The following LNP1 variants were observed in gnomAD, a reference collection of about 807,000 sequenced individuals.
The protein encoded by LNP1 is leukemia NUP98 fusion partner 1.
Under a neutral mutation model 14.5 loss-of-function variants are expected in LNP1, and 12 were observed. The observed-to-expected ratio is 0.83, with a 90% CI of 0.53 to 1.34. The LOEUF (loss-of-function observed/expected upper bound fraction) is 1.34, where lower values mean the gene tolerates loss of function less well. LNP1 is among the 40% of genes most tolerant of loss of function. The pLI, the probability that LNP1 is intolerant of heterozygous loss-of-function variation, is 0.00. For synonymous variants in LNP1, 75 were observed against 71.4 expected (o/e 1.05, Z -0.26); for missense variants, 198 against 210.9 (o/e 0.94, Z 0.38).
intron 1 of LNP1, among the ~76,000 whole-genome samples, chr3:100,416,837 A>G (rs1247627785): frequency 1.3e-5 from 2 of 151,258 alleles, no homozygotes; most frequent in Non-Finnish European, 2.9e-5. Flanking sequence ...TCTAGGTTTT[A>G]AGCCCCGCAT....
At position 100,418,059 on chromosome 3, in the gene LNP1, A is replaced by ACTTT. The variant is rs565769310; in HGVS notation, c.-33-11638_-33-11637insCTTT. 1.1e-4 allele frequency among the ~76,000 whole-genome samples: 13 copies of ACTTT among 115,604 alleles called. 3 individuals carry two copies. Among genetic ancestry groups the ACTTT allele is most frequent in the Non-Finnish European group, 1.3e-4 (7 of 54,328 alleles). The allele number at this position is 115,604 out of a possible 152,430, so 75.8% of individuals were successfully genotyped here. ...GTTTTGTTCTTTCATTTCTCATACCATTTTTTTTTTTTTTTTTTGAGATGG... is the reference window on the plus strand; with the variant it reads ...GTTTTGTTCTTTCATTTCTCATACCACTTTTTTTTTTTTTTTTTTTTTGAGATGG... On this transcript the variant is annotated intron_variant, in intron 1 of 3. Coordinates refer to ENST00000383693, the MANE Select transcript of LNP1 (RefSeq NM_001085451.2).
chr3:100,442,291 A>ATGTGAACC lies in LNP1; in HGVS notation c.157-9427_157-9420dup, dbSNP rs200726602. On this transcript the variant is annotated intron_variant, in intron 2 of 3. Transcript: ENST00000383693. ...GAGAAAAGTCTTACTGATCAAGAAGATGTGAACCCTGAAAATCTGAGACAG... is the reference window on the plus strand; with the variant it reads ...GAGAAAAGTCTTACTGATCAAGAAGATGTGAACCTGTGAACCCTGAAAATCTGAGACAG... 4.6e-4 allele frequency among the ~76,000 whole-genome samples: 70 copies of ATGTGAACC among 152,266 alleles called. No individual in the cohort carries two copies. In the East Asian group the frequency reaches 0.013, roughly 29 times the overall value.
intron 1 of LNP1, among the ~76,000 whole-genome samples, chr3:100,420,355 A>G (rs913273664): frequency 5.9e-5 from 9 of 151,876 alleles, no homozygotes; most frequent in African/African-American, 2.2e-4. Flanking sequence ...ACTGTCACTC[A>G]TGGTGGAATA....
intron 1 of LNP1, among the ~76,000 whole-genome samples, chr3:100,412,844 G>T (rs774225899): frequency 6.6e-6 from 1 of 152,130 alleles, no homozygotes; most frequent in Non-Finnish European, 1.5e-5. Flanking sequence ...AGTCATCTTT[G>T]TACTCCTGTA....
intron 1 of LNP1, among the ~76,000 whole-genome samples, chr3:100,411,917 C>T (rs1368312586): frequency 5.3e-5 from 8 of 152,052 alleles, no homozygotes. Flanking sequence ...TAATAGTTAG[C>T]ATATAATAGA....
chr3:100,429,934 G>T, intron 2 of LNP1, 49 bp downstream of exon 2: 1 of 1,563,336 alleles, frequency 6.4e-7, no homozygotes, highest in South Asian at 1.2e-5. Flanking sequence ...TAGGGGAGGG[G>T]GTTTCTCTTA....
chr3:100,448,760 G>T (rs1028567099), intron 2 of LNP1, among the ~76,000 whole-genome samples: 3 of 152,068 alleles, frequency 2.0e-5, no homozygotes, highest in Non-Finnish European at 4.4e-5. Context: ...ATTAGTTAGA[G>T]CTCTTTTATA....
At chr3:100,428,986 G>A (rs192884009) in intron 1 of LNP1, among the ~76,000 whole-genome samples, 160 of 152,328 alleles carry the variant, frequency 1.1e-3, no homozygotes, top group African/African-American at 3.7e-3. Context: ...CATGGAGCCA[G>A]TTGGGGTGCT....
At chr3:100,428,830 C>A (rs890120309) in intron 1 of LNP1, among the ~76,000 whole-genome samples, 1 of 152,194 alleles carries the variant, frequency 6.6e-6, no homozygotes, top group African/African-American at 2.4e-5. Flanking sequence ...ATGGATATAT[C>A]TCACTGACAT....
At chr3:100,411,074 C>A (rs553929107) in intron 1 of LNP1, among the ~76,000 whole-genome samples, 1 of 152,156 alleles carries the variant, frequency 6.6e-6, no homozygotes, top group African/African-American at 2.4e-5. Context: ...TACTACCACC[C>A]GAGAGGGCCT....
chr3:100,427,904 T>C (rs1707209558), intron 1 of LNP1, among the ~76,000 whole-genome samples: 3 of 152,250 alleles, frequency 2.0e-5, no homozygotes, highest in Non-Finnish European at 4.4e-5. Flanking sequence ...AAGCTTTGGC[T>C]ACTTTTCCTT....
intron 2 of LNP1, among the ~76,000 whole-genome samples, chr3:100,450,556 T>C (rs966301560): frequency 6.6e-6 from 1 of 152,054 alleles, no homozygotes. Flanking sequence ...AGGCTGGTCT[T>C]GAACCCCTGA....
intron 2 of LNP1, among the ~76,000 whole-genome samples, chr3:100,448,746 A>G (rs949220988): frequency 1.3e-5 from 2 of 152,146 alleles, no homozygotes; most frequent in Admixed American, 1.3e-4. Flanking sequence ...TTTTCTTTAA[A>G]CCAATTAGTT....
At chr3:100,450,625 C>T (rs1707428875) in intron 2 of LNP1, among the ~76,000 whole-genome samples, 1 of 152,166 alleles carries the variant, frequency 6.6e-6, no homozygotes. Context: ...GCATGAGCCA[C>T]CACGCCTGGC....
intron 2 of LNP1, among the ~76,000 whole-genome samples, chr3:100,445,389 C>A (rs1369560867): frequency 6.6e-6 from 1 of 152,188 alleles, no homozygotes; most frequent in East Asian, 1.9e-4. Flanking sequence ...GCTTTAATTT[C>A]TGGCCCTGGG....
intron 2 of LNP1, among the ~76,000 whole-genome samples, chr3:100,450,694 A>G (rs1442070443): frequency 6.6e-6 from 1 of 152,136 alleles, no homozygotes; most frequent in Non-Finnish European, 1.5e-5. Flanking sequence ...TTACTTAGGC[A>G]TGGGTCTCAG....
At position 100,455,816 on chromosome 3, in the gene LNP1, C is replaced by T. The variant is rs765584176; in HGVS notation, c.427C>T (p.Leu143=). Residue 143 remains leucine (L), a synonymous_variant, in exon 4 of 4, where the codon CTG becomes TTG. Coordinates refer to ENST00000383693, the MANE Select transcript of LNP1 (RefSeq NM_001085451.2). ...SRKERNEREC[L]RMEIKSRKKV... is the part of the protein sequence containing the mutation. ...AAAGGAGAGAAATGAAAGAGAATGCCTGAGGATGGAGATAAAATCCCGAAA... is the reference window on the plus strand; with the variant it reads ...AAAGGAGAGAAATGAAAGAGAATGCTTGAGGATGGAGATAAAATCCCGAAA... The T allele has an allele frequency of 6.8e-6, 11 of 1,613,742 alleles. No homozygotes were observed. Among genetic ancestry groups the T allele is most frequent in the Non-Finnish European group, 9.3e-6 (11 of 1,179,918 alleles).
At chr3:100,426,627 C>T (rs576713322) in intron 1 of LNP1, among the ~76,000 whole-genome samples, 1 of 152,294 alleles carries the variant, frequency 6.6e-6, no homozygotes, top group African/African-American at 2.4e-5. Flanking sequence ...CTAAAAACTG[C>T]TTTTTAAAAT....
chr3:100,435,176 A>C (rs2148904829), intron 2 of LNP1, among the ~76,000 whole-genome samples: 1 of 152,340 alleles, frequency 6.6e-6, no homozygotes, highest in African/African-American at 2.4e-5. Context: ...AAATTCAGGT[A>C]CCAGTGAGAA....
Sources: gnomAD v4.1 joint callset for allele counts (sites outside exome capture counted in the v4.1 genomes callset) on GRCh38, gnomAD v4.1.1 for gene constraint, MANE v1.5 for transcripts, NCBI Gene and HGNC (gene_info 2026-07-23, HGNC 2026-07-21) for gene names.